The following MAP2K1 variants were observed in gnomAD, a reference collection of about 807,000 sequenced individuals.
The protein encoded by MAP2K1 is dual specificity mitogen-activated protein kinase kinase 1.
In MAP2K1, 16 loss-of-function variants were observed where a neutral mutation model predicts 46.3. The observed-to-expected ratio is 0.35, with a 90% CI of 0.23 to 0.52. The LOEUF (loss-of-function observed/expected upper bound fraction) is 0.52. MAP2K1 is among the 20% of genes least tolerant of loss of function. The pLI is 0.94. For missense variants in MAP2K1, 263 were observed against 497.1 expected (o/e 0.53, Z 4.48); for synonymous variants, 183 against 185.6 (o/e 0.99, Z 0.11).
chr15:66,456,122 A>G (rs1204697252), intron 5 of MAP2K1, among the ~76,000 whole-genome samples: 1 of 152,174 alleles, frequency 6.6e-6, no homozygotes, highest in East Asian at 1.9e-4. Context: ...ATTTTGTAAA[A>G]TATTTATAGA....
chr15:66,477,855 C>T (rs1330067389), intron 5 of MAP2K1, among the ~76,000 whole-genome samples: 4 of 152,100 alleles, frequency 2.6e-5, no homozygotes, highest in Non-Finnish European at 5.9e-5. Flanking sequence ...CACCCCTTAC[C>T]CTTCTCAGTC....
intron 5 of MAP2K1, among the ~76,000 whole-genome samples, chr15:66,469,944 T>C (rs1248836234): frequency 4.0e-5 from 6 of 151,274 alleles, no homozygotes; most frequent in African/African-American, 1.2e-4. Context: ...CAGCCTGAGG[T>C]GATAGCTATT....
At chr15:66,389,760 G>A (rs906341824) in intron 1 of MAP2K1, among the ~76,000 whole-genome samples, 3 of 151,814 alleles carry the variant, frequency 2.0e-5, no homozygotes, top group Non-Finnish European at 4.4e-5. Context: ...TTTTAATAGA[G>A]ACAGGGTTTT....
intron 5 of MAP2K1, among the ~76,000 whole-genome samples, chr15:66,469,882 C>A (rs1441706963): frequency 2.0e-5 from 3 of 150,312 alleles, no homozygotes. Flanking sequence ...ATTTAGGAAC[C>A]AAACCTAGGC....
intron 10 of MAP2K1, 101 bp downstream of exon 10, chr15:66,489,864 C>G: frequency 1.0e-6 from 1 of 983,382 alleles, no homozygotes; most frequent in Non-Finnish European, 1.6e-6. Flanking sequence ...CATTCCCTGC[C>G]CACTGTGGTC....
intron 1 of MAP2K1, among the ~76,000 whole-genome samples, chr15:66,413,911 CTTTTTTTT>C (rs10649963): frequency 9.0e-6 from 1 of 111,538 alleles, no homozygotes; most frequent in East Asian, 2.5e-4. Flanking sequence ...TCTTCTTCTT[CTTTTTTTT>C]TTTTTTTTCC....
At chr15:66,392,182 A>G (rs192728171) in intron 1 of MAP2K1, among the ~76,000 whole-genome samples, 1 of 146,574 alleles carries the variant, frequency 6.8e-6, no homozygotes, top group African/African-American at 2.5e-5. Flanking sequence ...TCATGTGGCC[A>G]TGTTGACCTT....
chr15:66,440,550 T>C lies in MAP2K1; in HGVS notation c.439-2730T>C, dbSNP rs544993555. Among the ~76,000 whole-genome samples, 4 of 152,354 alleles carry C rather than the reference T, an allele frequency of 2.6e-5. No homozygotes were observed. In the East Asian group the frequency reaches 5.8e-4, roughly 22 times the overall value. On this transcript the variant is annotated intron_variant, in intron 3 of 10. Coordinates refer to ENST00000307102, the MANE Select transcript of MAP2K1 (RefSeq NM_002755.4). ...AAGGAGGGAAATTGATGCTCTCTGATCAGAACAGGAATGCTTTTATCTTTG... is the reference window on the plus strand; with the variant it reads ...AAGGAGGGAAATTGATGCTCTCTGACCAGAACAGGAATGCTTTTATCTTTG...
At chr15:66,416,818 A>G (rs2093425746) in intron 1 of MAP2K1, among the ~76,000 whole-genome samples, 1 of 152,204 alleles carries the variant, frequency 6.6e-6, no homozygotes, top group African/African-American at 2.4e-5. Context: ...CAGGTAACTT[A>G]AAATCTAATG....
At chr15:66,429,154 C>T (rs1324714155) in intron 1 of MAP2K1, among the ~76,000 whole-genome samples, 2 of 152,090 alleles carry the variant, frequency 1.3e-5, no homozygotes, top group East Asian at 3.9e-4. Flanking sequence ...CTGCACAAGA[C>T]TGGGTAATTT....
chr15:66,489,478 T>C, intron 9 of MAP2K1: 1 of 669,562 alleles, frequency 1.5e-6, no homozygotes. Flanking sequence ...ATGGATGTAG[T>C]AGCTGCTCCT....
intron 1 of MAP2K1, among the ~76,000 whole-genome samples, chr15:66,406,570 CTG>C (rs991210125): frequency 7.2e-5 from 11 of 152,142 alleles, no homozygotes; most frequent in Non-Finnish European, 1.5e-5. Context: ...CTATCAAAAA[CTG>C]AGAAATTGAG....
intron 1 of MAP2K1, among the ~76,000 whole-genome samples, chr15:66,392,838 C>T (rs2093359862): frequency 6.6e-6 from 1 of 152,184 alleles, no homozygotes; most frequent in African/African-American, 2.4e-5. Context: ...CAGGCGTGAG[C>T]CACCATGCCT....
At chr15:66,388,791 T>C (rs757260717) in intron 1 of MAP2K1, among the ~76,000 whole-genome samples, 8 of 152,092 alleles carry the variant, frequency 5.3e-5, no homozygotes, top group Non-Finnish European at 1.0e-4. Context: ...TTTTCAGACC[T>C]GCTCCCAACA....
Position 66,449,003 on chromosome 15 carries a change from C to CAAAAAAAAAAAAAAAAAAAAAAAAAAAAA in MAP2K1, c.568+4321_568+4322insAAAAAAAAAAAAAAAAAAAAAAAAAAAAA, listed in dbSNP as rs59398424. ...CAGGCAACAGTGTGAGACACTGTCT[C>CAAAAAAAAAAAAAAAAAAAAAAAAAAAAA]AAAAAAAAAAAAAAAAAAAAAAAAA... On this transcript the variant is annotated intron_variant, in intron 5 of 10. Transcript: ENST00000307102. 6.3e-5 allele frequency among the ~76,000 whole-genome samples: 3 copies of CAAAAAAAAAAAAAAAAAAAAAAAAAAAAA among 47,950 alleles called. 1 individual carries two copies. Among genetic ancestry groups the CAAAAAAAAAAAAAAAAAAAAAAAAAAAAA allele is most frequent in the East Asian group, 7.7e-4 (1 of 1,304 alleles). 31.5% of individuals were successfully genotyped at this position (47,950 alleles called of 152,430 possible).
At chr15:66,400,319 C>T (rs948702415) in intron 1 of MAP2K1, among the ~76,000 whole-genome samples, 1 of 152,086 alleles carries the variant, frequency 6.6e-6, no homozygotes, top group Non-Finnish European at 1.5e-5. Flanking sequence ...CCACTGTGCC[C>T]AGACACTTTC....
intron 5 of MAP2K1, chr15:66,446,780 A>AT (rs34047721): frequency 0.12 from 33,911 of 286,228 alleles, 2,324 homozygotes; most frequent in Non-Finnish European, 0.14. Flanking sequence ...AGCCTTCCAC[A>AT]TATTTCCTTT....
intron 5 of MAP2K1, among the ~76,000 whole-genome samples, chr15:66,445,430 A>G (rs1259890012): frequency 6.6e-6 from 1 of 152,214 alleles, no homozygotes. Context: ...ACATTAAAAA[A>G]AGAAAGAAAC....
chr15:66,490,408 GCTCTAGACCTGAAA>G, intron 10 of MAP2K1, 80 bp from the exon 11 acceptor site: 1 of 924,840 alleles, frequency 1.1e-6, no homozygotes, highest in East Asian at 2.4e-5. Flanking sequence ...TGCAGCACAA[GCTCTAGACCTGAAA>G]CTCTTGGATT....
Sources: allele counts gnomAD v4.1 joint callset (sites outside exome capture counted in the v4.1 genomes callset), GRCh38; gene constraint gnomAD v4.1.1; transcripts MANE v1.5; gene names NCBI Gene and HGNC (gene_info 2026-07-23, HGNC 2026-07-21).